CAND2: variants seen among roughly 807,000 people sequenced by gnomAD.
The protein encoded by CAND2 is cullin-associated NEDD8-dissociated protein 2.
In CAND2, 62 loss-of-function variants were observed where a neutral mutation model predicts 98.9. The observed-to-expected ratio is 0.63, with a 90% CI of 0.51 to 0.77. The LOEUF is 0.77. Ranked by LOEUF, CAND2 falls within the 30% of genes least tolerant of loss-of-function variation. CAND2 has a pLI of 0.00. For missense variants in CAND2, 1,501 were observed against 1,655.2 expected, an observed-to-expected ratio of 0.91 and a Z score of 1.62; for synonymous variants, 770 against 731.9, an observed-to-expected ratio of 1.05 and a Z score of -0.84.
intron 13 of CAND2, 33 bp from the exon 14 acceptor site, chr3:12,831,432 T>C (rs756295062): frequency 5.5e-5 from 87 of 1,572,962 alleles, no homozygotes; most frequent in Non-Finnish European, 4.0e-5. Context: ...TCCTGCACCA[T>C]TTCACTAAGA....
At chr3:12,809,160 G>T (rs1026457025) in intron 4 of CAND2, among the ~76,000 whole-genome samples, 2 of 152,104 alleles carry the variant, frequency 1.3e-5, no homozygotes, top group East Asian at 3.9e-4. Flanking sequence ...CTAGGGTTCT[G>T]CCTTTAGTAA....
chr3:12,831,701 T>C (rs2124876801), intron 14 of CAND2, 129 bp downstream of exon 14: 1 of 613,890 alleles, frequency 1.6e-6, no homozygotes. Flanking sequence ...CATTTAATCA[T>C]TGTCATTGCC....
rs764995315 is a variant in CAND2, at chr3:12,834,212, A to T, written c.*230A>T. On this transcript the variant is annotated 3_prime_UTR_variant, in exon 15 of 15. Transcript: ENST00000456430. ...TTGGGCCCCTTCCTTAACTCAGGAC[A>T]GTCATCCAAAGAAATAGGGTGAGGA... The T allele has an allele frequency of 1.8e-6, 1 of 562,576 alleles. No homozygotes were observed. The highest frequency in any genetic ancestry group is 3.2e-6 in the Non-Finnish European group (1 of 313,664). 34.8% of individuals were successfully genotyped at this position (562,576 alleles called of 1,614,324 possible).
At position 12,827,574 on chromosome 3, in the gene CAND2, G is replaced by A; in HGVS notation, c.3345G>A (p.Glu1115=). ...LDICEFLNHV[E]DGLKDHYDIR... ...TCTGTGAGTTCCTGAACCATGTGGA[G>A]GACGGGCTGAAGGACCACTACGACA... is the stretch of plus-strand genomic sequence containing the variant. Residue 1115 remains glutamate (E), a synonymous_variant, in exon 13 of 15, where the codon GAG becomes GAA. Transcript: ENST00000456430. 6.2e-7 allele frequency: 1 copy of A among 1,613,428 alleles called. No individual in the cohort carries two copies. The highest frequency in any genetic ancestry group is 8.5e-7 in the Non-Finnish European group (1 of 1,179,568).
At chr3:12,819,763 T>C (rs1428401036) in intron 10 of CAND2, among the ~76,000 whole-genome samples, 2 of 152,230 alleles carry the variant, frequency 1.3e-5, no homozygotes, top group Admixed American at 6.5e-5. Flanking sequence ...TTAGGACTCA[T>C]TGAGATAACA....
rs575457319 is a variant in CAND2 at position 12,796,905 on chromosome 3, T to C, written c.68+117T>C. 15 of 821,000 alleles carry C rather than the reference T, an allele frequency of 1.8e-5. No individual in the cohort carries two copies. In the South Asian group the frequency reaches 2.1e-4, roughly 11 times the overall value. The allele number at this position is 821,000 out of a possible 1,614,324, so 50.9% of individuals were successfully genotyped here. Reference sequence around the variant, plus strand: ...CATGCAGCCCCCTGCCTCTTCTCTCTTCTCCCTGCATTAAGCTGCCCCCCT... The same window carrying C: ...CATGCAGCCCCCTGCCTCTTCTCTCCTCTCCCTGCATTAAGCTGCCCCCCT... On this transcript the variant is annotated intron_variant, in intron 1 of 14. Coordinates refer to ENST00000456430, the MANE Select transcript of CAND2 (RefSeq NM_001162499.2).
At chr3:12,818,269 AAAAAC>A (rs1461508537) in intron 10 of CAND2, among the ~76,000 whole-genome samples, 5 of 151,950 alleles carry the variant, frequency 3.3e-5, no homozygotes, top group East Asian at 1.9e-4. Flanking sequence ...TACCAAAAAA[AAAAAC>A]AAAACAAAAA....
intron 11 of CAND2, among the ~76,000 whole-genome samples, chr3:12,821,594 C>T (rs987860136): frequency 1.8e-4 from 28 of 152,226 alleles, no homozygotes; most frequent in Non-Finnish European, 2.1e-4. Context: ...GCCTGATTTC[C>T]TCCATTGTAA....
At chr3:12,807,270 T>TG in intron 2 of CAND2, 36 bp from the exon 3 acceptor site, 1 of 1,543,916 alleles carries the variant, frequency 6.5e-7, no homozygotes, top group Non-Finnish European at 8.8e-7. Flanking sequence ...GGCTGAACCT[T>TG]GTGCCCTTGG....
chr3:12,834,279 C>T lies in CAND2; in HGVS notation c.*297C>T. 2 of 385,780 alleles carry T rather than the reference C, an allele frequency of 5.2e-6. No homozygotes were observed. The highest frequency in any genetic ancestry group is 4.5e-5 in the East Asian group (1 of 22,192). 23.9% of individuals were successfully genotyped at this position (385,780 alleles called of 1,614,324 possible). A position where few individuals can be genotyped will look rare whatever the true frequency, so the allele number is the denominator to read the frequency against. On this transcript the variant is annotated 3_prime_UTR_variant, in exon 15 of 15. Coordinates refer to ENST00000456430, the MANE Select transcript of CAND2 (RefSeq NM_001162499.2). Reference sequence around the variant, plus strand: ...CACACTGTACCCCTCCATAGTCTGTCTGGTTCCTTCAGAGGGTGTCTCTGC... The same window carrying T: ...CACACTGTACCCCTCCATAGTCTGTTTGGTTCCTTCAGAGGGTGTCTCTGC...
At chr3:12,830,377 T>C (rs1575783710) in intron 13 of CAND2, among the ~76,000 whole-genome samples, 1 of 151,752 alleles carries the variant, frequency 6.6e-6, no homozygotes, top group African/African-American at 2.4e-5. Flanking sequence ...ACGGGAGGGG[T>C]GTACTCAGCT....
At position 12,815,789 on chromosome 3, in the gene CAND2, G is replaced by A; in HGVS notation, c.1300-78G>A. 3 of 1,421,646 alleles carry A rather than the reference G, an allele frequency of 2.1e-6. 1 individual carries two copies. The South Asian group carries it at 3.8e-5, about 18-fold the overall frequency. The allele number at this position is 1,421,646 out of a possible 1,614,324, so 88.1% of individuals were successfully genotyped here. ...GACATCCTCCCTGGGGATGTGTCTGGCAAAGCCTCCTGGTAGTGGGCAGGT... is the reference window on the plus strand; with the variant it reads ...GACATCCTCCCTGGGGATGTGTCTGACAAAGCCTCCTGGTAGTGGGCAGGT... On this transcript the variant is annotated intron_variant, in intron 8 of 14. Transcript: ENST00000456430. The surrounding 1 kb of genome is among the most constrained non-coding windows in gnomAD (Gnocchi z 5.7).
rs1406010942 is a variant in CAND2 at position 12,827,600 on chromosome 3, T to G, written c.3371T>G (p.Ile1124Ser). The G allele has an allele frequency of 6.2e-7, 1 of 1,609,442 alleles. No homozygotes were observed. The highest frequency in any genetic ancestry group is 8.5e-7 in the Non-Finnish European group (1 of 1,177,570). ...VEDGLKDHYDIRMLTFIMVAR... is the reference protein window; with the variant it reads ...VEDGLKDHYDSRMLTFIMVAR... ...GACGGGCTGAAGGACCACTACGACA[T>G]CCGGGTAAGACCAAGCCCCCTGCCA... The change falls in exon 13 of 15, where the codon ATC (isoleucine) becomes AGC (serine). Residue 1124 changes from isoleucine (I) to serine (S), a missense_variant. This residue lies in a region of CAND2 where 1,427 missense variants were observed against 1,545.3 expected (regional missense o/e 0.92). Coordinates refer to ENST00000456430, the MANE Select transcript of CAND2 (RefSeq NM_001162499.2).
chr3:12,811,975 G>A (rs956805328), intron 5 of CAND2, among the ~76,000 whole-genome samples: 13 of 150,666 alleles, frequency 8.6e-5, no homozygotes, highest in African/African-American at 2.9e-4. Flanking sequence ...GTAGTGGCAC[G>A]ATCTCTGCTC....
In CAND2 at chr3:12,816,361, A is replaced by G. The variant is rs2061901026; in HGVS notation, c.1442-13A>G. 6.3e-7 allele frequency: 1 copy of G among 1,599,276 alleles called. No homozygotes were observed. The highest frequency in any genetic ancestry group is 8.5e-7 in the Non-Finnish European group (1 of 1,173,096). ...GAGGCGGTGGCCTCATAACCTTTGCATTCACCCTGCAGGCATCATCTTCTC... is the reference window on the plus strand; with the variant it reads ...GAGGCGGTGGCCTCATAACCTTTGCGTTCACCCTGCAGGCATCATCTTCTC... On this transcript the variant is annotated splice_polypyrimidine_tract_variant and intron_variant, in intron 9 of 14. Transcript: ENST00000456430.
chr3:12,815,075 T>C lies in CAND2; in HGVS notation c.1007-66T>C. 6.6e-7 allele frequency: 1 copy of C among 1,516,290 alleles called. No homozygotes were observed. Among genetic ancestry groups the C allele is most frequent in the Non-Finnish European group, 9.0e-7 (1 of 1,113,272 alleles). The allele number at this position is 1,516,290 out of a possible 1,614,324, so 93.9% of individuals were successfully genotyped here. On this transcript the variant is annotated intron_variant, in intron 7 of 14. Coordinates refer to ENST00000456430, the MANE Select transcript of CAND2 (RefSeq NM_001162499.2). This position sits in a 1 kb window ranked among gnomAD's most constrained non-coding sequence, Gnocchi z 5.7. ...CCAGCTCTCTCTCCTCCCTGTCCCT[T>C]CTCCCCCGAGCCACAGACCTGTCCT...
At chr3:12,810,634 T>C (rs560243385) in intron 5 of CAND2, among the ~76,000 whole-genome samples, 2 of 152,062 alleles carry the variant, frequency 1.3e-5, no homozygotes, top group Admixed American at 6.5e-5. Flanking sequence ...GAGAAGGGGG[T>C]TGGTTCAATC....
chr3:12,826,584 C>A lies in CAND2; in HGVS notation c.3211-856C>A, dbSNP rs948607602. 2.0e-5 allele frequency among the ~76,000 whole-genome samples: 3 copies of A among 152,012 alleles called. No homozygotes were observed. The East Asian group carries it at 5.9e-4, about 30-fold the overall frequency. On this transcript the variant is annotated intron_variant, in intron 12 of 14. Coordinates refer to ENST00000456430, the MANE Select transcript of CAND2 (RefSeq NM_001162499.2). ...CTGGGACTACAGGCGTGTACCACCA[C>A]ACCTAGCTAATATTTTGTATTTTTT...
At position 12,816,341 on chromosome 3, in the gene CAND2, G is replaced by A. The variant is rs374564160; in HGVS notation, c.1442-33G>A. The A allele has an allele frequency of 6.8e-4, 1,064 of 1,570,862 alleles. 12 individuals are homozygous for A. In the South Asian group the frequency reaches 9.0e-3, roughly 13 times the overall value. ...GGGAGGGCCGTGTTGCATCAGAGGC[G>A]GTGGCCTCATAACCTTTGCATTCAC... is the stretch of plus-strand genomic sequence containing the variant. On this transcript the variant is annotated intron_variant, in intron 9 of 14. Transcript: ENST00000456430.
Sources: gnomAD v4.1 joint callset for allele counts (sites outside exome capture counted in the v4.1 genomes callset) on GRCh38, gnomAD v4.1.1 for gene constraint, gnomAD v4.1.1 regional missense constraint, Gnocchi (gnomAD v3.1) non-coding constraint, MANE v1.5 for transcripts, NCBI Gene and HGNC (gene_info 2026-07-23, HGNC 2026-07-21) for gene names.